Variants in C1orf159 observed in about 807,000 individuals in gnomAD.
C1orf159 encodes the protein chromosome 1 open reading frame 159, also known as uncharacterized protein C1orf159.
In C1orf159, 19 loss-of-function variants were observed where a neutral mutation model predicts 25.6. The ratio of observed to expected loss-of-function variants is 0.74; its 90% CI spans 0.52 to 1.09. The LOEUF is 1.09. Ranked by LOEUF, C1orf159 falls within the 50% of genes least tolerant of loss-of-function variation. C1orf159 has a pLI of 0.00. For synonymous variants in C1orf159, 139 were observed against 124.7 expected (o/e 1.12, Z -0.77); for missense variants, 274 against 290.6 (o/e 0.94, Z 0.42).
chr1:1,093,053 G>A (rs748053258), intron 1 of C1orf159, among the ~76,000 whole-genome samples: 1 of 151,812 alleles, frequency 6.6e-6, no homozygotes, highest in Non-Finnish European at 1.5e-5. Context: ...AAAAAAGCAT[G>A]CTCTCCTCTG....
chr1:1,115,422 C>T (rs1646321294), intron 1 of C1orf159, among the ~76,000 whole-genome samples: 1 of 152,106 alleles, frequency 6.6e-6, no homozygotes, highest in African/African-American at 2.4e-5. Flanking sequence ...GCCCCCACTC[C>T]CGGCTGCCGG....
At chr1:1,111,936 C>T (rs777214427) in intron 1 of C1orf159, among the ~76,000 whole-genome samples, 3 of 152,218 alleles carry the variant, frequency 2.0e-5, no homozygotes, top group East Asian at 1.9e-4. Context: ...AAACAAATAC[C>T]GCAAACCCCT....
At chr1:1,091,140 GC>G in intron 3 of C1orf159, 1 of 637,512 alleles carries the variant, frequency 1.6e-6, no homozygotes. Flanking sequence ...GGAGTCTGGA[GC>G]CGCCGCAGCT....
intron 1 of C1orf159, among the ~76,000 whole-genome samples, chr1:1,112,029 A>C (rs1646263823): frequency 6.6e-6 from 1 of 152,206 alleles, no homozygotes; most frequent in Admixed American, 6.5e-5. Flanking sequence ...AGCACACCGG[A>C]GTCGGGCGGT....
chr1:1,096,652 A>C (rs1646012917), intron 1 of C1orf159, among the ~76,000 whole-genome samples: 1 of 152,218 alleles, frequency 6.6e-6, no homozygotes, highest in Non-Finnish European at 1.5e-5. Context: ...ATTGCTTTTG[A>C]CAAGTTATAT....
At chr1:1,109,816 C>T (rs559374484) in intron 1 of C1orf159, among the ~76,000 whole-genome samples, 1 of 152,220 alleles carries the variant, frequency 6.6e-6, no homozygotes, top group East Asian at 1.9e-4. Flanking sequence ...ACAATTAGGC[C>T]CTATATGGCC....
At chr1:1,097,109 GCTAT>G (rs902113533) in intron 1 of C1orf159, among the ~76,000 whole-genome samples, 2 of 151,850 alleles carry the variant, frequency 1.3e-5, no homozygotes, top group Non-Finnish European at 2.9e-5. Flanking sequence ...GGTGATTTGT[GCTAT>G]CTGTTTCTTT....
At chr1:1,090,298 A>G (rs1432047668) in intron 4 of C1orf159, 55 bp downstream of exon 4, 2 of 1,516,396 alleles carry the variant, frequency 1.3e-6, no homozygotes, top group Non-Finnish European at 1.8e-6. Context: ...CTGGGCACAC[A>G]CACACCAGTG....
At chr1:1,083,816 G>T in intron 9 of C1orf159, 1 of 1,135,000 alleles carries the variant, frequency 8.8e-7, no homozygotes, top group Non-Finnish European at 1.3e-6. Flanking sequence ...ACAGGGGGAC[G>T]GAGGCCGGGT....
chr1:1,093,380 T>C (rs190010981), intron 1 of C1orf159, among the ~76,000 whole-genome samples: 1 of 152,366 alleles, frequency 6.6e-6, no homozygotes, highest in East Asian at 1.9e-4. Flanking sequence ...CATGGAGATC[T>C]ACTTTACATA....
In C1orf159 at chr1:1,089,266, G is replaced by A. The variant is rs2100747255; in HGVS notation, c.148+1087C>T. ...TGGCCCCTCCATGGGCACCGTGACT[G>A]CTGCACAGCTGCCTGCACCCACAGA... On this transcript the variant is annotated intron_variant, in intron 4 of 9. Transcript: ENST00000421241. This position sits in a 1 kb window ranked among gnomAD's most constrained non-coding sequence, Gnocchi z 7.5. Among the ~76,000 whole-genome samples the A allele has an allele frequency of 6.6e-6, 1 of 152,278 alleles. No individual in the cohort carries two copies. Among genetic ancestry groups the A allele is most frequent in the African/African-American group, 2.4e-5 (1 of 41,544 alleles).
chr1:1,096,375 C>G (rs1356947087), intron 1 of C1orf159, among the ~76,000 whole-genome samples: 1 of 151,938 alleles, frequency 6.6e-6, no homozygotes, highest in Non-Finnish European at 1.5e-5. Flanking sequence ...ACTATATTGT[C>G]CAGGCTGGTC....
intron 1 of C1orf159, among the ~76,000 whole-genome samples, chr1:1,113,496 G>C (rs547057559): frequency 2.0e-5 from 3 of 152,098 alleles, no homozygotes; most frequent in Non-Finnish European, 4.4e-5. Flanking sequence ...GGGCTGAAGC[G>C]ATCCTCCTGC....
intron 1 of C1orf159, among the ~76,000 whole-genome samples, chr1:1,105,213 A>G (rs76287845): frequency 0.016 from 2,419 of 152,366 alleles, 64 homozygotes; most frequent in African/African-American, 0.054. Flanking sequence ...AAAAGTTTAT[A>G]GAAATTTTCA....
In C1orf159 at chr1:1,083,864, G is replaced by A. The variant is rs969396690; in HGVS notation, c.502+489C>T. The A allele has an allele frequency of 1.2e-5, 18 of 1,483,368 alleles. No homozygotes were observed. In the African/African-American group the frequency reaches 1.3e-4, roughly 10 times the overall value. 91.9% of individuals were successfully genotyped at this position (1,483,368 alleles called of 1,614,324 possible). On this transcript the variant is annotated intron_variant, in intron 9 of 9. Coordinates refer to ENST00000421241, the MANE Select transcript of C1orf159 (RefSeq NM_017891.5). ...TGGCCTTGGAGCTGTGTGGCTGTGC[G>A]CCGGTCACTCAGCCTGTGTCTGTGG...
chr1:1,087,126 T>C lies in C1orf159; in HGVS notation c.310+13A>G, dbSNP rs373085778. ...GACACCGGCAGAGGTGGCTGTGGCC[T>C]GCTGAGACTTACCAGGATGTGGCCG... On this transcript the variant is annotated intron_variant, in intron 6 of 9. Transcript: ENST00000421241. This position sits in a 1 kb window ranked among gnomAD's most constrained non-coding sequence, Gnocchi z 8.3. 108 of 1,606,186 alleles carry C rather than the reference T, an allele frequency of 6.7e-5. No individual in the cohort carries two copies. The highest frequency in any genetic ancestry group is 8.2e-5 in the Non-Finnish European group (97 of 1,179,060).
chr1:1,094,807 G>GT (rs1645988027), intron 1 of C1orf159, among the ~76,000 whole-genome samples: 1 of 152,110 alleles, frequency 6.6e-6, no homozygotes. Context: ...TGTGGTTCTT[G>GT]TTTTTTATGT....
chr1:1,085,933 G>C lies in C1orf159; in HGVS notation c.390C>G (p.Phe130Leu), dbSNP rs776938645. 1 of 1,613,438 alleles carries C rather than the reference G, an allele frequency of 6.2e-7. No homozygotes were observed. The highest frequency in any genetic ancestry group is 1.1e-5 in the South Asian group (1 of 91,080). The change falls in exon 7 of 10, where the codon TTC becomes TTG. Residue 130 changes from phenylalanine (F) to leucine (L), a missense_variant. Transcript: ENST00000421241. The stretch of plus-strand genomic sequence containing the variant: ...GTTTACTGGAGCGCTTGAGGTAGAA[G>C]AACCCAGCTACGGAGAGGATGAGGC... The part of the protein sequence containing the change: ...SSGLILSVAG[F>L]FYLKRSSKLP...
chr1:1,111,745 G>A (rs866715170), intron 1 of C1orf159, among the ~76,000 whole-genome samples: 4 of 152,154 alleles, frequency 2.6e-5, no homozygotes, highest in African/African-American at 9.7e-5. Flanking sequence ...GGTTTCTCAC[G>A]CTGCTGAACC....
Sources: gnomAD v4.1 joint callset for allele counts (sites outside exome capture counted in the v4.1 genomes callset) on GRCh38, gnomAD v4.1.1 for gene constraint, Gnocchi (gnomAD v3.1) non-coding constraint, MANE v1.5 for transcripts, NCBI Gene and HGNC (gene_info 2026-07-23, HGNC 2026-07-21) for gene names.